ZNF888: variants seen among roughly 807,000 people sequenced by gnomAD.
The protein encoded by ZNF888 is CTD-2331H12.6.
Under a neutral mutation model 7.2 loss-of-function variants are expected in ZNF888, and 5 were observed. The ratio of observed to expected loss-of-function variants is 0.70; its 90% confidence interval spans 0.36 to 1.46. The LOEUF (loss-of-function observed/expected upper bound fraction) is 1.46, where lower values mean the gene tolerates loss of function less well. Among genes scored for constraint, ZNF888 ranks in the 40% most tolerant of loss-of-function variants. The pLI, the probability that ZNF888 is intolerant of heterozygous loss-of-function variation, is 0.03. For missense variants in ZNF888, 716 were observed against 858.0 expected (o/e 0.83, Z 2.07); for synonymous variants, 240 against 284.3 (o/e 0.84, Z 1.57).
chr19:52,914,485 G>A (rs1434420540), intron 4 of ZNF888: 2 of 297,184 alleles, frequency 6.7e-6, no homozygotes, highest in African/African-American at 4.5e-5. Flanking sequence ...TAGGAAAGAA[G>A]ACATTGCAGA....
At chr19:52,918,323 C>G (rs2064774412) in intron 2 of ZNF888, 1 of 391,548 alleles carries the variant, frequency 2.6e-6, no homozygotes, top group Non-Finnish European at 3.5e-6. Context: ...AACTCCTTCT[C>G]TATCAAAAAT....
chr19:52,912,040 C>T (rs2064687389), intron 4 of ZNF888, among the ~76,000 whole-genome samples: 1 of 151,426 alleles, frequency 6.6e-6, no homozygotes, highest in South Asian at 2.1e-4. Context: ...GTCGCGATCT[C>T]CTGACCTCGT....
At chr19:52,914,976 T>C (rs935137940) in intron 4 of ZNF888, among the ~76,000 whole-genome samples, 1 of 152,206 alleles carries the variant, frequency 6.6e-6, no homozygotes, top group Non-Finnish European at 1.5e-5. Flanking sequence ...TAAAGTTTTA[T>C]GCCTACTTTA....
chr19:52,907,543 TG>T lies in ZNF888; in HGVS notation c.778del (p.His260IlefsTer55). On this transcript the variant is annotated frameshift_variant, in exon 5 of 5. Coordinates refer to ENST00000638862, the MANE Select transcript of ZNF888 (RefSeq NM_001393938.1). LOFTEE classifies it low-confidence loss of function (END_TRUNC). ...TTTCTCACCAGTGTGACATCTACGA[TG>T]GTGTGCAAGGTATCGCTTCTGATTA... ...DFNQKRYLAH[H>X]RRCHTGEKPY... 1 of 1,609,806 alleles carries T rather than the reference TG, an allele frequency of 6.2e-7. No individual in the cohort carries two copies.
intron 1 of ZNF888, chr19:52,921,608 A>G: frequency 2.1e-6 from 2 of 954,212 alleles, no homozygotes; most frequent in African/African-American, 1.8e-5. Flanking sequence ...CTAACATTTA[A>G]TTTTTCCTTA....
chr19:52,916,394 G>C (rs949654065), intron 3 of ZNF888, among the ~76,000 whole-genome samples: 21 of 151,762 alleles, frequency 1.4e-4, no homozygotes, highest in Non-Finnish European at 2.8e-4. Flanking sequence ...AACCTACACA[G>C]ACTCACAAAA....
chr19:52,921,423 A>G (rs1204040152), intron 1 of ZNF888, among the ~76,000 whole-genome samples: 2 of 152,092 alleles, frequency 1.3e-5, no homozygotes, highest in Admixed American at 6.6e-5. Flanking sequence ...TCACCGAGTT[A>G]CCCTGAGAAG....
At chr19:52,911,432 G>A (rs1392160750) in intron 4 of ZNF888, among the ~76,000 whole-genome samples, 5 of 151,490 alleles carry the variant, frequency 3.3e-5, no homozygotes, top group Non-Finnish European at 5.9e-5. Context: ...TCCATCTCCC[G>A]GGTTCACGCC....
intron 4 of ZNF888, among the ~76,000 whole-genome samples, chr19:52,912,194 A>G (rs1298850026): frequency 1.4e-5 from 2 of 148,140 alleles, no homozygotes; most frequent in East Asian, 4.1e-4. Context: ...GCTCACTGCA[A>G]GCTCCGCCTC....
chr19:52,920,518 A>G (rs2064813436), intron 1 of ZNF888, among the ~76,000 whole-genome samples: 1 of 38,060 alleles, frequency 2.6e-5, no homozygotes, highest in Non-Finnish European at 5.5e-5. Context: ...AAAAAAAAAG[A>G]AAAAAAAAGA....
intron 3 of ZNF888, among the ~76,000 whole-genome samples, chr19:52,915,726 C>T (rs925258656): frequency 1.2e-4 from 18 of 152,090 alleles, no homozygotes; most frequent in African/African-American, 3.9e-4. Context: ...CTGCCCACCT[C>T]GGCCTCCCAA....
chr19:52,915,241 A>G lies in ZNF888; in HGVS notation c.97T>C (p.Tyr33His), dbSNP rs1278244017. Reference sequence around the variant, plus strand: ...TAATTCTCCAGCATCACGTCTCTGTATAGAGTCCTCTGAGCAGGGTCCAGG... The same window carrying G: ...TAATTCTCCAGCATCACGTCTCTGTGTAGAGTCCTCTGAGCAGGGTCCAGG... ...KCLDPAQRTL[Y>H]RDVMLENYRN... is the part of the protein sequence containing the mutation. Residue 33 changes from tyrosine to histidine, a missense_variant, in exon 4 of 5, where the codon TAC (tyrosine) becomes CAC (histidine). Around this residue, in one of 2 missense-constraint regions of ZNF888, gnomAD observed 19 missense variants for 54.7 expected, o/e 0.35. Coordinates refer to ENST00000638862, the MANE Select transcript of ZNF888 (RefSeq NM_001393938.1). 6.2e-7 allele frequency: 1 copy of G among 1,611,662 alleles called. No homozygotes were observed. The highest frequency in any genetic ancestry group is 1.4e-5 in the African/African-American group (1 of 73,966).
Position 52,905,849 on chromosome 19 carries a change from G to T in ZNF888, c.*316C>A. 1.4e-6 allele frequency: 1 copy of T among 729,316 alleles called. No individual in the cohort carries two copies. 45.2% of individuals were successfully genotyped at this position (729,316 alleles called of 1,614,324 possible). A position where few individuals can be genotyped will look rare whatever the true frequency, so the allele number is the denominator to read the frequency against. On this transcript the variant is annotated 3_prime_UTR_variant, in exon 5 of 5. Transcript: ENST00000638862. ...ATGACATTTGTAAGATTTCTGTCCA[G>T]TATGGATTCTTTGATGTCTAATGAG...
chr19:52,905,982 G>C lies in ZNF888; in HGVS notation c.*183C>G. The C allele has an allele frequency of 1.0e-6, 1 of 962,710 alleles. No homozygotes were observed. The highest frequency in any genetic ancestry group is 2.4e-5 in the East Asian group (1 of 40,884). 59.6% of individuals were successfully genotyped at this position (962,710 alleles called of 1,614,324 possible). A position where few individuals can be genotyped will look rare whatever the true frequency, so the allele number is the denominator to read the frequency against. ...AGGATGAAGCTTGACTGAAGACCTTGCCTCAATCATGACATTTGTAAGGTT... is the reference window on the plus strand; with the variant it reads ...AGGATGAAGCTTGACTGAAGACCTTCCCTCAATCATGACATTTGTAAGGTT... On this transcript the variant is annotated 3_prime_UTR_variant, in exon 5 of 5. Transcript: ENST00000638862.
chr19:52,917,537 T>A lies in ZNF888; in HGVS notation c.15+322A>T. Reference sequence around the variant, plus strand: ...ACTCTAATCTTGGTCCACAGAAAACTGACAGTGCATCCAGATGCGGCCCTG... The same window carrying A: ...ACTCTAATCTTGGTCCACAGAAAACAGACAGTGCATCCAGATGCGGCCCTG... On this transcript the variant is annotated intron_variant, in intron 3 of 4. Coordinates refer to ENST00000638862, the MANE Select transcript of ZNF888 (RefSeq NM_001393938.1). The A allele has an allele frequency of 4.6e-6, 3 of 656,420 alleles. No individual in the cohort carries two copies. In the East Asian group the frequency reaches 8.4e-5, roughly 18 times the overall value. 40.7% of individuals were successfully genotyped at this position (656,420 alleles called of 1,614,324 possible). A position where few individuals can be genotyped will look rare whatever the true frequency, so the allele number is the denominator to read the frequency against.
intron 4 of ZNF888, 83 bp from the exon 5 acceptor site, chr19:52,908,262 CA>C: frequency 2.3e-6 from 3 of 1,324,552 alleles, no homozygotes; most frequent in Admixed American, 3.7e-5. Flanking sequence ...ACACCAAAAA[CA>C]ATACTTATTT....
In ZNF888 at chr19:52,907,459, T is replaced by A; in HGVS notation, c.863A>T (p.His288Leu). 3 of 1,607,692 alleles carry A rather than the reference T, an allele frequency of 1.9e-6. No individual in the cohort carries two copies. The South Asian group carries it at 3.3e-5, about 18-fold the overall frequency. Residue 288 changes from histidine (H) to leucine (L), a missense_variant, in exon 5 of 5, where the codon CAT becomes CTT. Transcript: ENST00000638862. ...VFNKKAYLAR[H>L]YRRHTGEKPY... Reference sequence around the variant, plus strand: ...TTTTTCTCCAGTATGACGTCTATAATGACGTGCAAGGTATGCTTTTTTATT... The same window carrying A: ...TTTTTCTCCAGTATGACGTCTATAAAGACGTGCAAGGTATGCTTTTTTATT...
rs1429725422 is a variant in ZNF888 at position 52,915,337 on chromosome 19, C to T, written c.16-15G>A. 1 of 1,612,796 alleles carries T rather than the reference C, an allele frequency of 6.2e-7. No homozygotes were observed. Among genetic ancestry groups the T allele is most frequent in the South Asian group, 1.1e-5 (1 of 90,934 alleles). On this transcript the variant is annotated splice_polypyrimidine_tract_variant and intron_variant, in intron 3 of 4. Transcript: ENST00000638862. ...GTCAATAGACCCTGAAATGAAAACA[C>T]ATTTTAACCAAATGGTTATGAGAGG... is the stretch of plus-strand genomic sequence containing the variant.
intron 4 of ZNF888, among the ~76,000 whole-genome samples, chr19:52,913,008 G>A (rs1281413417): frequency 6.6e-6 from 1 of 152,164 alleles, no homozygotes; most frequent in East Asian, 1.9e-4. Context: ...TCCGGAGGCT[G>A]AGGCAGGAGA....
Sources: gnomAD v4.1 joint callset for allele counts (sites outside exome capture counted in the v4.1 genomes callset) on GRCh38, gnomAD v4.1.1 for gene constraint, gnomAD v4.1.1 regional missense constraint, MANE v1.5 for transcripts, NCBI Gene and HGNC (gene_info 2026-07-23, HGNC 2026-07-21) for gene names.